Variants in UBE3A observed in about 807,000 individuals in gnomAD.
UBE3A encodes ubiquitin protein ligase E3A.
UBE3A carries 6 observed loss-of-function variants against 83.4 expected under a neutral mutation model. The observed-to-expected ratio is 0.07, with a 90% CI of 0.04 to 0.14. The LOEUF (loss-of-function observed/expected upper bound fraction) is 0.14, where lower values mean the gene tolerates loss of function less well. UBE3A is among the 10% of genes least tolerant of loss of function. UBE3A has a pLI of 1.00. For missense variants in UBE3A, 456 were observed against 1,036.1 expected (o/e 0.44, Z 7.69); for synonymous variants, 337 against 355.4 (o/e 0.95, Z 0.58).
chr15:25,405,712 A>G, intron 3 of UBE3A: 1 of 583,268 alleles, frequency 1.7e-6, no homozygotes, highest in South Asian at 2.1e-5. Context: ...TAAAAAACTC[A>G]ATGCATGTTT....
intron 1 of UBE3A, among the ~76,000 whole-genome samples, chr15:25,432,441 A>G (rs1262819260): frequency 6.6e-6 from 1 of 152,154 alleles, no homozygotes; most frequent in Non-Finnish European, 1.5e-5. Context: ...CCTGTGTAGA[A>G]GTACAGCAAT....
intron 4 of UBE3A, among the ~76,000 whole-genome samples, chr15:25,384,457 CT>C: frequency 8.2e-6 from 1 of 121,646 alleles, no homozygotes; most frequent in African/African-American, 3.8e-5. Context: ...GAGACTCTGT[CT>C]CAAAAAAAAA....
chr15:25,341,160 C>A lies in UBE3A; in HGVS notation c.2355-932G>T, dbSNP rs540600322. Among the ~76,000 whole-genome samples the A allele has an allele frequency of 7.2e-5, 11 of 151,834 alleles. No individual in the cohort carries two copies. The East Asian group carries it at 1.6e-3, about 22-fold the overall frequency. On this transcript the variant is annotated intron_variant, in intron 11 of 12. Coordinates refer to ENST00000648336, the MANE Select transcript of UBE3A (RefSeq NM_130839.5). The stretch of plus-strand genomic sequence containing the variant: ...TCTCGGCTCATTGCAAGCTCCGCCT[C>A]CTGGGTTCGCGCCATTGTCCTGCCT...
chr15:25,386,226 A>G (rs2083103997), intron 4 of UBE3A, among the ~76,000 whole-genome samples: 1 of 152,140 alleles, frequency 6.6e-6, no homozygotes, highest in Admixed American at 6.5e-5. Flanking sequence ...ATAAGACTAC[A>G]GAACTCTTCT....
chr15:25,356,164 G>A, intron 8 of UBE3A, 108 bp from the exon 9 acceptor site: 1 of 1,372,396 alleles, frequency 7.3e-7, no homozygotes, highest in Non-Finnish European at 1.0e-6. Flanking sequence ...AATAAAAATT[G>A]TAAAAAGTGT....
chr15:25,415,549 A>G (rs2090739361), intron 1 of UBE3A, among the ~76,000 whole-genome samples: 2 of 151,872 alleles, frequency 1.3e-5, no homozygotes, highest in Admixed American at 6.6e-5. Flanking sequence ...TCCCCCACCC[A>G]CCTATCATGC....
At position 25,381,120 on chromosome 15, in the gene UBE3A, T is replaced by C. The variant is rs545723996; in HGVS notation, c.63-5357A>G. On this transcript the variant is annotated intron_variant, in intron 4 of 12. Transcript: ENST00000648336. ...TAAGATGGATTGATGGATACAAGGA[T>C]GGTTATACGATAAAGCAATGTAAGT... 1.2e-4 allele frequency among the ~76,000 whole-genome samples: 19 copies of C among 152,318 alleles called. 1 individual carries two copies. In the South Asian group the frequency reaches 3.7e-3, roughly 30 times the overall value.
At chr15:25,395,586 G>C (rs1349143436) in intron 4 of UBE3A, among the ~76,000 whole-genome samples, 2 of 152,152 alleles carry the variant, frequency 1.3e-5, no homozygotes, top group East Asian at 3.9e-4. Context: ...GACTGAGATG[G>C]CAAAATATTA....
At chr15:25,433,941 C>T (rs1400828095) in intron 1 of UBE3A, among the ~76,000 whole-genome samples, 2 of 152,052 alleles carry the variant, frequency 1.3e-5, no homozygotes, top group Non-Finnish European at 2.9e-5. Flanking sequence ...GGCATGGTGG[C>T]ATATGCTAAT....
Position 25,413,352 on chromosome 15 carries a change from C to T in UBE3A, c.-164-1381G>A, listed in dbSNP as rs369387553. ...ACCTCCTTCTAAAGCTGTTTCAAAA[C>T]TTAATTTCACAAACTGTTTTTTTCT... On this transcript the variant is annotated intron_variant, in intron 1 of 12. Transcript: ENST00000648336. Among the ~76,000 whole-genome samples, 13 of 152,170 alleles carry T rather than the reference C, an allele frequency of 8.5e-5. No homozygotes were observed. The East Asian group carries it at 2.1e-3, about 25-fold the overall frequency.
intron 5 of UBE3A, among the ~76,000 whole-genome samples, chr15:25,372,657 A>G (rs2068019277): frequency 6.6e-6 from 1 of 152,212 alleles, no homozygotes; most frequent in African/African-American, 2.4e-5. Flanking sequence ...TAATAGGATG[A>G]AAGATATTTC....
chr15:25,358,149 A>G (rs1260348947), intron 7 of UBE3A, among the ~76,000 whole-genome samples: 1 of 152,042 alleles, frequency 6.6e-6, no homozygotes, highest in African/African-American at 2.4e-5. Flanking sequence ...AGGCAGGCAG[A>G]TCACTTGAGC....
rs2073964369 is a variant in UBE3A at position 25,336,450 on chromosome 15, C to A, written c.*2687G>T. 6.6e-6 allele frequency: 1 copy of A among 152,178 alleles called. No individual in the cohort carries two copies. Among genetic ancestry groups the A allele is most frequent in the Non-Finnish European group, 1.5e-5 (1 of 68,038 alleles). 9.4% of individuals were successfully genotyped at this position (152,178 alleles called of 1,614,324 possible). A position where few individuals can be genotyped will look rare whatever the true frequency, so the allele number is the denominator to read the frequency against. ...TTTTTAATGGGAATAGGGAGTGATG[C>A]TGCCCCATTACAACCATCTGTTCTA... On this transcript the variant is annotated 3_prime_UTR_variant, in exon 13 of 13. Coordinates refer to ENST00000648336, the MANE Select transcript of UBE3A (RefSeq NM_130839.5).
rs2074046785 is a variant in UBE3A, at chr15:25,337,578, G to C, written c.*1559C>G. 3 of 152,008 alleles carry C rather than the reference G, an allele frequency of 2.0e-5. No individual in the cohort carries two copies. 9.4% of individuals were successfully genotyped at this position (152,008 alleles called of 1,614,324 possible). ...GAAAAAAATTAATTAAAATAATCCT[G>C]AAAGACATCCTTTTTCTCCCCCCAA... On this transcript the variant is annotated 3_prime_UTR_variant, in exon 13 of 13. Coordinates refer to ENST00000648336, the MANE Select transcript of UBE3A (RefSeq NM_130839.5).
chr15:25,340,297 T>C (rs978904716), intron 11 of UBE3A, 69 bp from the exon 12 acceptor site: 103 of 1,514,618 alleles, frequency 6.8e-5, no homozygotes, highest in Non-Finnish European at 9.1e-5. Context: ...CATAAGCTTA[T>C]GATTTGCATT....
At chr15:25,354,938 T>C (rs920950209) in intron 9 of UBE3A, among the ~76,000 whole-genome samples, 2 of 151,258 alleles carry the variant, frequency 1.3e-5, no homozygotes, top group African/African-American at 4.9e-5. Flanking sequence ...CAAAGAAAAC[T>C]ACTTCTTACA....
In UBE3A at chr15:25,335,232, C is replaced by T. The variant is rs913787119; in HGVS notation, c.*3905G>A. 2 of 152,142 alleles carry T rather than the reference C, an allele frequency of 1.3e-5. No homozygotes were observed. Among genetic ancestry groups the T allele is most frequent in the Admixed American group, 1.3e-4 (2 of 15,266 alleles). The allele number at this position is 152,142 out of a possible 1,614,324, so 9.4% of individuals were successfully genotyped here. The stretch of plus-strand genomic sequence containing the variant: ...GAGGCACTTTGGGGGTTGATGAAGT[C>T]TTCATGGATGAGGTACTTTAAATAT... On this transcript the variant is annotated 3_prime_UTR_variant, in exon 13 of 13. Coordinates refer to ENST00000648336, the MANE Select transcript of UBE3A (RefSeq NM_130839.5).
At chr15:25,344,183 C>A (rs762597795) in intron 11 of UBE3A, among the ~76,000 whole-genome samples, 11 of 152,136 alleles carry the variant, frequency 7.2e-5, no homozygotes, top group Admixed American at 6.5e-5. Flanking sequence ...GACATTAGTA[C>A]TAACAGCAAA....
At position 25,376,487 on chromosome 15, in the gene UBE3A, T is replaced by G. The variant is rs146815289; in HGVS notation, c.63-724A>C. 7.4e-3 allele frequency among the ~76,000 whole-genome samples: 1,128 copies of G among 151,712 alleles called. 8 individuals carry two copies. Among genetic ancestry groups the G allele is most frequent in the Non-Finnish European group, 7.4e-3 (502 of 67,914 alleles). ...CATAGTGAGGCTACTCTCTACAAAC[T>G]TTTTTAAAAAAAATTAGCCAAGTGT... On this transcript the variant is annotated intron_variant, in intron 4 of 12. Transcript: ENST00000648336.
Sources: gnomAD v4.1 joint callset for allele counts (sites outside exome capture counted in the v4.1 genomes callset) on GRCh38, gnomAD v4.1.1 for gene constraint, MANE v1.5 for transcripts, NCBI Gene and HGNC (gene_info 2026-07-23, HGNC 2026-07-21) for gene names.